CHST11: variants seen among roughly 807,000 people sequenced by gnomAD.
CHST11 encodes the protein C4S-1.
CHST11 carries 9 observed loss-of-function variants against 30.4 expected under a neutral mutation model. The observed-to-expected ratio is 0.30, with a 90% CI of 0.18 to 0.52. The LOEUF (loss-of-function observed/expected upper bound fraction) is 0.52. Among genes scored for constraint, CHST11 ranks in the 20% least tolerant of loss-of-function variants. The pLI is 0.97. For missense variants in CHST11, 348 were observed against 460.6 expected, an observed-to-expected ratio of 0.76 and a Z score of 2.24; for synonymous variants, 152 against 187.8, an observed-to-expected ratio of 0.81 and a Z score of 1.56.
chr12:104,553,888 G>T (rs1266795174), intron 1 of CHST11, among the ~76,000 whole-genome samples: 1 of 152,138 alleles, frequency 6.6e-6, no homozygotes, highest in African/African-American at 2.4e-5. Context: ...CAACTTAGAT[G>T]GGCCCTTTGC....
intron 2 of CHST11, among the ~76,000 whole-genome samples, chr12:104,697,787 A>G (rs575193930): frequency 8.4e-4 from 128 of 152,330 alleles, no homozygotes; most frequent in African/African-American, 2.9e-3. Flanking sequence ...AGAGTTCAAC[A>G]TCATCTTTCC....
intron 1 of CHST11, among the ~76,000 whole-genome samples, chr12:104,511,068 G>A (rs767879378): frequency 6.6e-6 from 1 of 152,194 alleles, no homozygotes; most frequent in Non-Finnish European, 1.5e-5. Context: ...TAGACTTTGT[G>A]TGTGGAGGAA....
At chr12:104,745,680 A>G (rs1442917813) in intron 2 of CHST11, among the ~76,000 whole-genome samples, 2 of 151,664 alleles carry the variant, frequency 1.3e-5, no homozygotes, top group Non-Finnish European at 2.9e-5. Flanking sequence ...ATCCCTAGGT[A>G]TTTTATTCTT....
chr12:104,602,459 A>G (rs6539163), intron 2 of CHST11, among the ~76,000 whole-genome samples: 121,866 of 152,148 alleles, frequency 0.8, 49,194 homozygotes, highest in East Asian at 0.99. Flanking sequence ...TTGCTAAGTG[A>G]CTGCCTCAGT....
chr12:104,602,312 C>G (rs2038963901), intron 2 of CHST11: 1 of 391,746 alleles, frequency 2.6e-6, no homozygotes, highest in Non-Finnish European at 4.6e-6. Flanking sequence ...GCTGTGCAGT[C>G]TTCCCTTTGG....
rs1033292008 is a variant in CHST11, at chr12:104,458,344, T to C, written c.118+815T>C. On this transcript the variant is annotated intron_variant, in intron 1 of 2. Coordinates refer to ENST00000303694, the MANE Select transcript of CHST11 (RefSeq NM_018413.6). This position sits in a 1 kb window ranked among gnomAD's most constrained non-coding sequence, Gnocchi z 5.7. ...ACCGTCCGTTTGCATCCCCCACTTCTGGGATCCGAGCAACGGGAATCCCCC... is the reference window on the plus strand; with the variant it reads ...ACCGTCCGTTTGCATCCCCCACTTCCGGGATCCGAGCAACGGGAATCCCCC... 6.6e-6 allele frequency among the ~76,000 whole-genome samples: 1 copy of C among 152,200 alleles called. No individual in the cohort carries two copies. Among genetic ancestry groups the C allele is most frequent in the Non-Finnish European group, 1.5e-5 (1 of 68,026 alleles).
chr12:104,592,978 A>G (rs2038875248), intron 1 of CHST11, among the ~76,000 whole-genome samples: 1 of 152,200 alleles, frequency 6.6e-6, no homozygotes, highest in South Asian at 2.1e-4. Flanking sequence ...TGTATACACT[A>G]TATTCTTCAA....
intron 1 of CHST11, among the ~76,000 whole-genome samples, chr12:104,559,922 CA>C (rs1444179888): frequency 3.9e-5 from 6 of 152,218 alleles, no homozygotes; most frequent in Middle Eastern, 3.4e-3. Flanking sequence ...GTGGAGAAAA[CA>C]GTAATTACTT....
At chr12:104,475,658 T>TTATATATA (rs67453124) in intron 1 of CHST11, among the ~76,000 whole-genome samples, 489 of 33,974 alleles carry the variant, frequency 0.014, 16 homozygotes, top group East Asian at 0.047. Flanking sequence ...TAAAGCAGCA[T>TTATATATA]TATATATATA....
At chr12:104,653,841 C>T (rs1380993926) in intron 2 of CHST11, among the ~76,000 whole-genome samples, 1 of 152,194 alleles carries the variant, frequency 6.6e-6, no homozygotes, top group Non-Finnish European at 1.5e-5. Flanking sequence ...AAACCCTGGC[C>T]ATCTGGCTCT....
At chr12:104,497,391 G>A (rs1354525110) in intron 1 of CHST11, among the ~76,000 whole-genome samples, 4 of 152,182 alleles carry the variant, frequency 2.6e-5, no homozygotes, top group Non-Finnish European at 4.4e-5. Flanking sequence ...TCTGCAGGCC[G>A]AAGAGAAAGG....
At chr12:104,678,303 T>C (rs1224309781) in intron 2 of CHST11, among the ~76,000 whole-genome samples, 2 of 152,240 alleles carry the variant, frequency 1.3e-5, no homozygotes, top group Non-Finnish European at 2.9e-5. Context: ...AAACACCTTA[T>C]TTGTCTGGTG....
chr12:104,608,861 A>C (rs920647366), intron 2 of CHST11, among the ~76,000 whole-genome samples: 1 of 152,182 alleles, frequency 6.6e-6, no homozygotes, highest in East Asian at 1.9e-4. Flanking sequence ...ACATCCAGCC[A>C]GTAGCATGTG....
At position 104,457,089 on chromosome 12, in the gene CHST11, C is replaced by T. The variant is rs1322474878; in HGVS notation, c.-323C>T. The T allele has an allele frequency of 4.7e-6, 1 of 212,680 alleles. No homozygotes were observed. The highest frequency in any genetic ancestry group is 2.3e-5 in the African/African-American group (1 of 43,452). 13.2% of individuals were successfully genotyped at this position (212,680 alleles called of 1,614,324 possible). On this transcript the variant is annotated 5_prime_UTR_variant, in exon 1 of 3. Transcript: ENST00000303694. ...GGCGGCACCACCATCACCGCTCGCA[C>T]CCCAGCCGCCCGGCCCGCGACCAGG...
At chr12:104,652,494 C>G (rs2039501090) in intron 2 of CHST11, among the ~76,000 whole-genome samples, 1 of 152,150 alleles carries the variant, frequency 6.6e-6, no homozygotes, top group Non-Finnish European at 1.5e-5. Flanking sequence ...CCAATTTCCC[C>G]ACAAATGATC....
At chr12:104,648,206 T>C (rs2039454035) in intron 2 of CHST11, among the ~76,000 whole-genome samples, 1 of 152,238 alleles carries the variant, frequency 6.6e-6, no homozygotes, top group South Asian at 2.1e-4. Flanking sequence ...TTGTTGGGTA[T>C]CTATATTGTT....
chr12:104,494,760 G>A (rs768673321), intron 1 of CHST11, among the ~76,000 whole-genome samples: 54 of 152,036 alleles, frequency 3.6e-4, no homozygotes, highest in East Asian at 5.8e-4. Flanking sequence ...AACAATTCAG[G>A]GTGTTTTGTT....
intron 2 of CHST11, among the ~76,000 whole-genome samples, chr12:104,683,853 G>A (rs552531637): frequency 2.0e-4 from 31 of 152,240 alleles, no homozygotes; most frequent in African/African-American, 7.5e-4. Context: ...TCACATCTAT[G>A]GGAAAATTCA....
chr12:104,745,902 C>A (rs1329543082), intron 2 of CHST11, among the ~76,000 whole-genome samples: 1 of 152,162 alleles, frequency 6.6e-6, no homozygotes, highest in Non-Finnish European at 1.5e-5. Flanking sequence ...AGTTTGACTT[C>A]CTTTCTTCCT....
Sources: gnomAD v4.1 joint callset for allele counts (sites outside exome capture counted in the v4.1 genomes callset) on GRCh38, gnomAD v4.1.1 for gene constraint, Gnocchi (gnomAD v3.1) non-coding constraint, MANE v1.5 for transcripts, NCBI Gene and HGNC (gene_info 2026-07-23, HGNC 2026-07-21) for gene names.